The following NRG3 variants were observed in gnomAD, a reference collection of about 807,000 sequenced individuals.
NRG3 encodes the protein neuregulin 3.
Under a neutral mutation model 66.9 loss-of-function variants are expected in NRG3, and 31 were observed. The ratio of observed to expected loss-of-function variants is 0.46; its 90% CI spans 0.35 to 0.63. The LOEUF (loss-of-function observed/expected upper bound fraction) is 0.63. NRG3 is among the 20% of genes least tolerant of loss of function. NRG3 has a pLI of 0.00. For missense variants in NRG3, 910 were observed against 878.9 expected (o/e 1.04, Z -0.45); for synonymous variants, 393 against 359.4 (o/e 1.09, Z -1.06).
chr10:82,190,317 G>A lies in NRG3; in HGVS notation c.824-168422G>A, dbSNP rs74144198. 9.6e-3 allele frequency among the ~76,000 whole-genome samples: 1,465 copies of A among 151,948 alleles called. 22 individuals carry two copies. Among genetic ancestry groups the A allele is most frequent in the African/African-American group, 0.033 (1,389 of 41,470 alleles). Reference sequence around the variant, plus strand: ...GCAGGAAAAAAAAAATTCAAATTTAGGACAGTCCCATAATAAGAATTAATT... The same window carrying A: ...GCAGGAAAAAAAAAATTCAAATTTAAGACAGTCCCATAATAAGAATTAATT... On this transcript the variant is annotated intron_variant, in intron 1 of 8. Coordinates refer to ENST00000372141, the MANE Select transcript of NRG3 (RefSeq NM_001010848.4).
chr10:82,219,310 T>G (rs1414856744), intron 1 of NRG3, among the ~76,000 whole-genome samples: 1 of 148,106 alleles, frequency 6.8e-6, no homozygotes, highest in African/African-American at 2.5e-5. Context: ...AAAAAAATTT[T>G]TTGGCAATAA....
intron 1 of NRG3, among the ~76,000 whole-genome samples, chr10:82,167,764 G>A (rs1254856179): frequency 2.0e-5 from 3 of 151,756 alleles, no homozygotes; most frequent in African/African-American, 7.3e-5. Context: ...TTTTTAATAC[G>A]TGATTGTTTT....
intron 3 of NRG3, among the ~76,000 whole-genome samples, chr10:82,845,056 G>A (rs2135782795): frequency 6.6e-6 from 1 of 152,278 alleles, no homozygotes; most frequent in East Asian, 1.9e-4. Context: ...CTGGGAGGCT[G>A]AGGCAGGAGG....
chr10:81,996,879 A>T (rs1024292086), intron 1 of NRG3, among the ~76,000 whole-genome samples: 4 of 152,146 alleles, frequency 2.6e-5, no homozygotes, highest in African/African-American at 9.7e-5. Flanking sequence ...TTTAGTTGAA[A>T]CTAATTATGG....
Position 82,108,358 on chromosome 10 carries a change from G to A in NRG3, c.823+232195G>A, listed in dbSNP as rs117631540. 4.5e-3 allele frequency among the ~76,000 whole-genome samples: 685 copies of A among 152,274 alleles called. 3 individuals carry two copies. The highest frequency in any genetic ancestry group is 6.9e-3 in the Non-Finnish European group (467 of 68,034). On this transcript the variant is annotated intron_variant, in intron 1 of 8. Transcript: ENST00000372141. ...TTGTAGCACAGAGAATTGATTTATA[G>A]TGTTTTGTCAAGACCTCCAATGTCC...
chr10:82,232,714 G>A (rs760557142), intron 1 of NRG3: 8 of 716,654 alleles, frequency 1.1e-5, no homozygotes, highest in South Asian at 3.0e-5. Context: ...GGAGAGACTC[G>A]AGAAAATAAA....
chr10:82,450,927 T>C (rs566615957), intron 2 of NRG3, among the ~76,000 whole-genome samples: 19 of 152,334 alleles, frequency 1.2e-4, no homozygotes, highest in South Asian at 2.1e-4. Context: ...TTCCCTAGTG[T>C]TTAACTCAAC....
At chr10:82,625,373 A>G (rs1429170817) in intron 2 of NRG3, among the ~76,000 whole-genome samples, 2 of 146,440 alleles carry the variant, frequency 1.4e-5, no homozygotes, top group African/African-American at 2.4e-5. Context: ...CCAGAATTTA[A>G]TTAAATACAC....
intron 2 of NRG3, among the ~76,000 whole-genome samples, chr10:82,387,557 C>G (rs1332366512): frequency 6.6e-6 from 1 of 152,172 alleles, no homozygotes; most frequent in Non-Finnish European, 1.5e-5. Context: ...CATTTTTTAG[C>G]TGGAAAACAT....
At chr10:82,972,265 T>A (rs1047492068) in intron 6 of NRG3, among the ~76,000 whole-genome samples, 1 of 152,192 alleles carries the variant, frequency 6.6e-6, no homozygotes, top group African/African-American at 2.4e-5. Flanking sequence ...TGTCTAAAAT[T>A]AATCAGCATG....
chr10:82,835,667 C>T (rs751321104), intron 3 of NRG3, among the ~76,000 whole-genome samples: 51 of 152,118 alleles, frequency 3.4e-4, no homozygotes, highest in Non-Finnish European at 6.0e-4. Context: ...CTGTTCTGAG[C>T]TTTTATGAAG....
At chr10:82,949,785 G>A (rs1330379404) in intron 4 of NRG3, among the ~76,000 whole-genome samples, 1 of 151,926 alleles carries the variant, frequency 6.6e-6, no homozygotes, top group Non-Finnish European at 1.5e-5. Context: ...AACCCAGGAG[G>A]AAGAGGTTGC....
chr10:82,897,094 A>T (rs1461274158), intron 4 of NRG3, among the ~76,000 whole-genome samples: 1 of 152,234 alleles, frequency 6.6e-6, no homozygotes, highest in African/African-American at 2.4e-5. Context: ...TCTCTGAACA[A>T]CAACATGGTT....
rs1470921256 is a variant in NRG3 at position 82,017,839 on chromosome 10, GC to G, written c.823+141679del. The stretch of plus-strand genomic sequence containing the variant: ...AGTTCTTTGTAGATTCTGGATATTA[GC>G]CCTTTGTCAGATGAGTAGATTGCAA... On this transcript the variant is annotated intron_variant, in intron 1 of 8. Transcript: ENST00000372141. Among the ~76,000 whole-genome samples, 3 of 152,008 alleles carry G rather than the reference GC, an allele frequency of 2.0e-5. No homozygotes were observed. In the East Asian group the frequency reaches 5.8e-4, roughly 30 times the overall value.
At chr10:82,865,036 A>C (rs958274127) in intron 3 of NRG3, among the ~76,000 whole-genome samples, 6 of 152,342 alleles carry the variant, frequency 3.9e-5, no homozygotes, top group Admixed American at 1.3e-4. Context: ...CATGTTGAAC[A>C]AATAGTTATT....
intron 2 of NRG3, among the ~76,000 whole-genome samples, chr10:82,417,699 G>A (rs1300688826): frequency 3.9e-5 from 6 of 152,172 alleles, no homozygotes; most frequent in Non-Finnish European, 7.4e-5. Flanking sequence ...CACAGTCAGC[G>A]AAATGGTGGA....
At chr10:82,442,818 T>C (rs12774910) in intron 2 of NRG3, among the ~76,000 whole-genome samples, 1 of 116,640 alleles carries the variant, frequency 8.6e-6, no homozygotes, top group Non-Finnish European at 1.7e-5. Context: ...TTTTTTTTAG[T>C]GAAATAAGAT....
rs185989872 is a variant in NRG3 at position 82,678,417 on chromosome 10, T to C, written c.954-60160T>C. Among the ~76,000 whole-genome samples the C allele has an allele frequency of 8.9e-3, 1,356 of 152,242 alleles. 24 individuals carry two copies. The highest frequency in any genetic ancestry group is 0.027 in the African/African-American group (1,125 of 41,546). On this transcript the variant is annotated intron_variant, in intron 2 of 8. Coordinates refer to ENST00000372141, the MANE Select transcript of NRG3 (RefSeq NM_001010848.4). Reference sequence around the variant, plus strand: ...CAAGATGCTCAGTAGGGGAGCTTTTTGAGCCAGGATGAGCCAGGAAAAGGA... The same window carrying C: ...CAAGATGCTCAGTAGGGGAGCTTTTCGAGCCAGGATGAGCCAGGAAAAGGA...
At chr10:82,778,946 G>A (rs2060013363) in intron 3 of NRG3, among the ~76,000 whole-genome samples, 1 of 152,108 alleles carries the variant, frequency 6.6e-6, no homozygotes, top group South Asian at 2.1e-4. Flanking sequence ...CAAGGAGAAG[G>A]AGCTGCAGCA....
Sources: gnomAD v4.1 joint callset for allele counts (sites outside exome capture counted in the v4.1 genomes callset) on GRCh38, gnomAD v4.1.1 for gene constraint, MANE v1.5 for transcripts, NCBI Gene and HGNC (gene_info 2026-07-23, HGNC 2026-07-21) for gene names.